HDAC4: variants seen among roughly 807,000 people sequenced by gnomAD.
HDAC4 encodes the protein histone deacetylase 4.
Under a neutral mutation model 135.1 loss-of-function variants are expected in HDAC4, and 16 were observed. The ratio of observed to expected loss-of-function variants is 0.12; its 90% CI spans 0.08 to 0.18. The LOEUF (loss-of-function observed/expected upper bound fraction) is 0.18. Ranked by LOEUF, HDAC4 falls within the 10% of genes least tolerant of loss-of-function variation. HDAC4 has a pLI of 1.00. For missense variants in HDAC4, 1,143 were observed against 1,511.8 expected (o/e 0.76, Z 4.05); for synonymous variants, 685 against 653.4 (o/e 1.05, Z -0.74).
chr2:239,255,983 A>G (rs985509558), intron 2 of HDAC4, among the ~76,000 whole-genome samples: 6 of 152,248 alleles, frequency 3.9e-5, no homozygotes, highest in African/African-American at 1.4e-4. Flanking sequence ...AGCTCTTGGA[A>G]AAGGATAAAC....
chr2:239,274,588 C>T (rs1007274724), intron 2 of HDAC4, among the ~76,000 whole-genome samples: 4 of 152,244 alleles, frequency 2.6e-5, no homozygotes, highest in African/African-American at 7.2e-5. Context: ...ACGGTAAAAA[C>T]GAGAACCTCA....
intron 1 of HDAC4, among the ~76,000 whole-genome samples, chr2:239,392,625 C>G (rs1402164768): frequency 6.6e-6 from 1 of 152,184 alleles, no homozygotes; most frequent in Admixed American, 6.5e-5. Flanking sequence ...TGTCCACAGC[C>G]CCCAGAGGTG....
intron 17 of HDAC4, 95 bp downstream of exon 17, chr2:239,094,915 A>T: frequency 6.2e-7 from 1 of 1,606,388 alleles, no homozygotes; most frequent in East Asian, 2.2e-5. Context: ...CCTGGCAGCA[A>T]TTATTCACTT....
intron 1 of HDAC4, among the ~76,000 whole-genome samples, chr2:239,365,354 G>A (rs1694122488): frequency 1.3e-5 from 2 of 152,204 alleles, no homozygotes; most frequent in South Asian, 4.1e-4. Context: ...ATTTCACTGT[G>A]CTGTAACGGG....
intron 23 of HDAC4, among the ~76,000 whole-genome samples, chr2:239,067,716 C>T (rs1206510872): frequency 6.6e-6 from 1 of 152,180 alleles, no homozygotes; most frequent in Non-Finnish European, 1.5e-5. Context: ...CGAGGGCTGC[C>T]TCAGGTCTCC....
chr2:239,207,539 T>C (rs910892105), intron 3 of HDAC4, among the ~76,000 whole-genome samples: 20 of 152,200 alleles, frequency 1.3e-4, no homozygotes, highest in Non-Finnish European at 2.5e-4. Flanking sequence ...ATTAGGAGTT[T>C]AATCACCTAG....
intron 17 of HDAC4, chr2:239,091,856 C>G (rs1254290237): frequency 1.3e-5 from 2 of 149,726 alleles, no homozygotes; most frequent in Non-Finnish European, 3.0e-5. Flanking sequence ...GTCAGGAGAT[C>G]GAGACCATCC....
rs1359248484 is a variant in HDAC4 at position 239,313,777 on chromosome 2, TGA to T, written c.22+38899_22+38900del. Among the ~76,000 whole-genome samples, 1 of 152,176 alleles carries T rather than the reference TGA, an allele frequency of 6.6e-6. No homozygotes were observed. Among genetic ancestry groups the T allele is most frequent in the Non-Finnish European group, 1.5e-5 (1 of 68,042 alleles). On this transcript the variant is annotated intron_variant, in intron 2 of 26. Coordinates refer to ENST00000543185, the MANE Select transcript of HDAC4 (RefSeq NM_001378414.1). This position sits in a 1 kb window ranked among gnomAD's most constrained non-coding sequence, Gnocchi z 5.1. ...AGAGACGTCTAATTATACTCAGGGC[TGA>T]GTTGGCTGAAGAGTGAGGAATATAC...
At position 239,068,582 on chromosome 2, in the gene HDAC4, C is replaced by T. The variant is rs545782116; in HGVS notation, c.2776G>A (p.Glu926Lys). ...FRTVVMPIAS[E>K]FAPDVVLVSS... ...ACCAGCACCACATCCGGGGCAAACT[C>T]GCTGGCGATCGGCATGACCACCGTT... The change falls in exon 23 of 27, where the codon GAG becomes AAG. Residue 926 changes from glutamate (E) to lysine (K), a missense_variant. Around this residue, in one of 9 missense-constraint regions of HDAC4, gnomAD observed 189 missense variants for 317.6 expected, o/e 0.60. Coordinates refer to ENST00000543185, the MANE Select transcript of HDAC4 (RefSeq NM_001378414.1). This position sits in a 1 kb window ranked among gnomAD's most constrained non-coding sequence, Gnocchi z 4.4. 2.7e-5 allele frequency: 44 copies of T among 1,613,968 alleles called. No homozygotes were observed. The highest frequency in any genetic ancestry group is 1.6e-4 in the Middle Eastern group (1 of 6,062).
chr2:239,221,947 C>T (rs969724228), intron 3 of HDAC4, among the ~76,000 whole-genome samples: 6 of 152,284 alleles, frequency 3.9e-5, no homozygotes, highest in East Asian at 1.9e-4. Flanking sequence ...GTATCAACAA[C>T]GCAGCAAGCT....
rs1335952352 is a variant in HDAC4, at chr2:239,262,725, G to A, written c.23-26061C>T. ...GGGTGCACACGGCTGAAGGCGCAAC[G>A]GGCACAGGGCATTCTGTGGGCCACG... On this transcript the variant is annotated intron_variant, in intron 2 of 26. Transcript: ENST00000543185. This position sits in a 1 kb window ranked among gnomAD's most constrained non-coding sequence, Gnocchi z 4.1. 2.0e-5 allele frequency among the ~76,000 whole-genome samples: 3 copies of A among 152,192 alleles called. No individual in the cohort carries two copies. The highest frequency in any genetic ancestry group is 6.5e-5 in the Admixed American group (1 of 15,284).
intron 5 of HDAC4, among the ~76,000 whole-genome samples, chr2:239,166,679 C>T (rs1360343985): frequency 2.0e-5 from 3 of 152,234 alleles, no homozygotes; most frequent in African/African-American, 7.2e-5. Flanking sequence ...TTATCAGCAA[C>T]AGGCTGCTAA....
rs1012121365 is a variant in HDAC4 at position 239,167,881 on chromosome 2, A to T, written c.491-3958T>A. 4.2e-5 allele frequency among the ~76,000 whole-genome samples: 6 copies of T among 143,748 alleles called. No individual in the cohort carries two copies. Among genetic ancestry groups the T allele is most frequent in the African/African-American group, 1.5e-4 (6 of 38,742 alleles). 94.3% of individuals were successfully genotyped at this position (143,748 alleles called of 152,430 possible). A position where few individuals can be genotyped will look rare whatever the true frequency, so the allele number is the denominator to read the frequency against. On this transcript the variant is annotated intron_variant, in intron 5 of 26. Coordinates refer to ENST00000543185, the MANE Select transcript of HDAC4 (RefSeq NM_001378414.1). This position sits in a 1 kb window ranked among gnomAD's most constrained non-coding sequence, Gnocchi z 4.1. ...GTTCTTCCCATACCAGGGGGCAGAG[A>T]GTGCACCCGAGACCTAAGGAATGAG...
At chr2:239,063,237 C>T (rs1392386167) in intron 24 of HDAC4, among the ~76,000 whole-genome samples, 1 of 151,808 alleles carries the variant, frequency 6.6e-6, no homozygotes, top group Non-Finnish European at 1.5e-5. Context: ...GTCTCGCTCT[C>T]TCGCCCAGGC....
At position 239,070,746 on chromosome 2, in the gene HDAC4, C is replaced by G. The variant is rs2034102707; in HGVS notation, c.2751-2139G>C. ...GAGGACGGTGGAACAGAAGTGGAGC[C>G]TTTAAAAAGGGGCTTCAAAAAGTTC... On this transcript the variant is annotated intron_variant, in intron 22 of 26. Transcript: ENST00000543185. 3.9e-5 allele frequency among the ~76,000 whole-genome samples: 6 copies of G among 152,138 alleles called. No homozygotes were observed. In the South Asian group the frequency reaches 1.3e-3, roughly 32 times the overall value.
At chr2:239,326,060 G>A (rs928799945) in intron 2 of HDAC4, among the ~76,000 whole-genome samples, 6 of 152,108 alleles carry the variant, frequency 3.9e-5, no homozygotes, top group South Asian at 2.1e-4. Flanking sequence ...ACTCAGAGAC[G>A]TGTGTACACA....
chr2:239,066,828 A>G lies in HDAC4; in HGVS notation c.2897T>C (p.Met966Thr). 2 of 1,613,614 alleles carry G rather than the reference A, an allele frequency of 1.2e-6. No homozygotes were observed. The highest frequency in any genetic ancestry group is 1.7e-6 in the Non-Finnish European group (2 of 1,179,952). The part of the protein sequence containing the change: ...RCFGYLTKQL[M>T]GLAGGRIVLA... ...GACAATCCGGCCGCCAGCCAGGCCC[A>G]TCAGCTGCTTCGTCAGGTACCCGAA... Residue 966 changes from methionine (M) to threonine (T), a missense_variant, in exon 24 of 27, where the codon ATG (methionine) becomes ACG (threonine). Met to Thr is a moderately conservative substitution (Grantham distance 81, BLOSUM62 -1). Transcript: ENST00000543185.
At chr2:239,140,728 G>A (rs2041305430) in intron 8 of HDAC4, 1 of 279,700 alleles carries the variant, frequency 3.6e-6, no homozygotes, top group South Asian at 2.9e-5. Context: ...AAGGGACATG[G>A]TGGGGGCCCT....
intron 17 of HDAC4, chr2:239,093,950 C>T (rs763687827): frequency 9.1e-6 from 9 of 985,096 alleles, no homozygotes; most frequent in African/African-American, 1.7e-5. Context: ...GAATAAATGC[C>T]GTTTATTCTC....
Sources: gnomAD v4.1 joint callset for allele counts (sites outside exome capture counted in the v4.1 genomes callset) on GRCh38, gnomAD v4.1.1 for gene constraint, gnomAD v4.1.1 regional missense constraint, Gnocchi (gnomAD v3.1) non-coding constraint, MANE v1.5 for transcripts, NCBI Gene and HGNC (gene_info 2026-07-23, HGNC 2026-07-21) for gene names.